ROBO2: variants seen among roughly 807,000 people sequenced by gnomAD.
ROBO2 encodes roundabout guidance receptor 2, also known as roundabout homolog 2.
A neutral mutation model predicts 160.8 loss-of-function variants in ROBO2; 53 were observed. The ratio of observed to expected loss-of-function variants is 0.33; its 90% CI spans 0.26 to 0.41. The LOEUF (loss-of-function observed/expected upper bound fraction) is 0.41. Ranked by LOEUF, ROBO2 falls within the 10% of genes least tolerant of loss-of-function variation. ROBO2 has a pLI of 1.00. For missense variants in ROBO2, 1,577 were observed against 1,722.4 expected (o/e 0.92, Z 1.49); for synonymous variants, 664 against 611.7 (o/e 1.09, Z -1.26).
intron 2 of ROBO2, among the ~76,000 whole-genome samples, chr3:76,648,375 A>G (rs528990633): frequency 1.2e-4 from 18 of 152,174 alleles, no homozygotes; most frequent in Non-Finnish European, 2.1e-4. Flanking sequence ...AATGACACAT[A>G]GAAAATTATT....
chr3:76,323,269 G>A (rs2072732145), intron 2 of ROBO2, among the ~76,000 whole-genome samples: 1 of 151,774 alleles, frequency 6.6e-6, no homozygotes, highest in African/African-American at 2.4e-5. Flanking sequence ...TTAATCCTGT[G>A]TCTCTATATT....
chr3:76,881,302 G>A lies in ROBO2; in HGVS notation c.110-216712G>A, dbSNP rs191782822. Among the ~76,000 whole-genome samples, 4 of 152,234 alleles carry A rather than the reference G, an allele frequency of 2.6e-5. No individual in the cohort carries two copies. The East Asian group carries it at 7.7e-4, about 29-fold the overall frequency. On this transcript the variant is annotated intron_variant, in intron 2 of 26. Coordinates refer to the ROBO2 transcript ENST00000487694. ...TCTCTAGGATATTAAAATCAAAGAA[G>A]GTAAATGTATTTCTATGTCTTAGAG...
intron 2 of ROBO2, among the ~76,000 whole-genome samples, chr3:76,166,260 T>C (rs935801155): frequency 4.6e-5 from 7 of 152,174 alleles, no homozygotes; most frequent in African/African-American, 4.8e-5. Flanking sequence ...ATCCTTTTTA[T>C]ATTTTTAATA....
At chr3:76,685,032 C>A (rs1174464498) in intron 2 of ROBO2, among the ~76,000 whole-genome samples, 1 of 151,770 alleles carries the variant, frequency 6.6e-6, no homozygotes, top group African/African-American at 2.4e-5. Flanking sequence ...CCCCCACCCC[C>A]AGAAGGAAAA....
At chr3:76,148,701 A>G (rs11128504) in intron 2 of ROBO2, among the ~76,000 whole-genome samples, 6,561 of 152,066 alleles carry the variant, frequency 0.043, 176 homozygotes, top group Middle Eastern at 0.085. Context: ...TTAGGAATCA[A>G]TTCTTCCCTT....
At chr3:77,455,876 T>C (rs2081588774) in intron 2 of ROBO2, among the ~76,000 whole-genome samples, 1 of 152,180 alleles carries the variant, frequency 6.6e-6, no homozygotes, top group Non-Finnish European at 1.5e-5. Context: ...TATAGTAATG[T>C]CCTTTGAGGA....
chr3:76,615,413 C>A (rs1030934758), intron 2 of ROBO2, among the ~76,000 whole-genome samples: 16 of 152,186 alleles, frequency 1.1e-4, no homozygotes, highest in Non-Finnish European at 2.2e-4. Flanking sequence ...TAATAATAAT[C>A]ATCCCCTTCA....
At chr3:77,418,457 A>G (rs1340738265) in intron 2 of ROBO2, among the ~76,000 whole-genome samples, 4 of 152,142 alleles carry the variant, frequency 2.6e-5, no homozygotes, top group Admixed American at 2.6e-4. Flanking sequence ...TATAAAATGG[A>G]CTAAATTTGC....
At chr3:77,468,161 C>T (rs973645848) in intron 2 of ROBO2, among the ~76,000 whole-genome samples, 11 of 152,302 alleles carry the variant, frequency 7.2e-5, no homozygotes, top group Admixed American at 2.0e-4. Flanking sequence ...CATTAATCAG[C>T]TTCAATCCAC....
chr3:76,593,329 A>G (rs1451163089), intron 2 of ROBO2, among the ~76,000 whole-genome samples: 1 of 152,032 alleles, frequency 6.6e-6, no homozygotes, highest in African/African-American at 2.4e-5. Flanking sequence ...TGACCTGGAG[A>G]AAGATGTAGA....
chr3:77,147,629 G>A (rs1424799557), intron 2 of ROBO2, among the ~76,000 whole-genome samples: 2 of 151,988 alleles, frequency 1.3e-5, no homozygotes, highest in African/African-American at 4.8e-5. Flanking sequence ...TGTTTTCCTG[G>A]TGTACTCTTT....
intron 2 of ROBO2, among the ~76,000 whole-genome samples, chr3:76,625,173 A>G (rs1166676201): frequency 6.6e-6 from 1 of 152,186 alleles, no homozygotes; most frequent in African/African-American, 2.4e-5. Flanking sequence ...TAATTTAATA[A>G]AATTCCCTGT....
intron 2 of ROBO2, among the ~76,000 whole-genome samples, chr3:76,134,046 T>C (rs1346647425): frequency 6.6e-6 from 1 of 152,166 alleles, no homozygotes; most frequent in Non-Finnish European, 1.5e-5. Context: ...CATTTCATAG[T>C]ACATAGTTTA....
intron 2 of ROBO2, among the ~76,000 whole-genome samples, chr3:76,003,211 C>A (rs2065936216): frequency 6.6e-6 from 1 of 152,104 alleles, no homozygotes; most frequent in Non-Finnish European, 1.5e-5. Flanking sequence ...TCTCTTAATC[C>A]TGGCAGCTCC....
intron 2 of ROBO2, among the ~76,000 whole-genome samples, chr3:76,631,553 A>G (rs1307168349): frequency 6.6e-6 from 1 of 152,248 alleles, no homozygotes; most frequent in Non-Finnish European, 1.5e-5. Flanking sequence ...AAAGAAAAGC[A>G]GAAAATATGC....
At chr3:77,005,407 T>A (rs541125663) in intron 2 of ROBO2, among the ~76,000 whole-genome samples, 1 of 152,292 alleles carries the variant, frequency 6.6e-6, no homozygotes, top group Non-Finnish European at 1.5e-5. Flanking sequence ...TTCCTTATAT[T>A]TGTTGTTCAA....
At chr3:76,916,690 A>T (rs2076335736) in intron 2 of ROBO2, among the ~76,000 whole-genome samples, 1 of 152,002 alleles carries the variant, frequency 6.6e-6, no homozygotes. Flanking sequence ...ACGTTTATAT[A>T]TGAATTACTG....
intron 2 of ROBO2, among the ~76,000 whole-genome samples, chr3:76,433,545 C>T (rs1345516605): frequency 6.6e-6 from 1 of 152,008 alleles, no homozygotes; most frequent in African/African-American, 2.4e-5. Context: ...CTGCGTAAAC[C>T]TATACTTAAA....
At chr3:76,719,035 A>C (rs1364116281) in intron 2 of ROBO2, among the ~76,000 whole-genome samples, 2 of 152,172 alleles carry the variant, frequency 1.3e-5, no homozygotes, top group Non-Finnish European at 2.9e-5. Flanking sequence ...TTTTTTAAAT[A>C]AAATCACTTA....
Sources: allele counts gnomAD v4.1 joint callset (sites outside exome capture counted in the v4.1 genomes callset), GRCh38; gene constraint gnomAD v4.1.1; transcripts MANE v1.5; gene names NCBI Gene and HGNC (gene_info 2026-07-23, HGNC 2026-07-21).